ATAD5: variants seen among roughly 807,000 people sequenced by gnomAD.
ATAD5 encodes ATPase family AAA domain containing 5.
ATAD5 carries 58 observed loss-of-function variants against 176.9 expected under a neutral mutation model. That is an observed-to-expected ratio of 0.33 (90% CI 0.27 to 0.41). The LOEUF (loss-of-function observed/expected upper bound fraction) is 0.41. Ranked by LOEUF, ATAD5 falls within the 10% of genes least tolerant of loss-of-function variation. The pLI is 1.00. For synonymous variants in ATAD5, 640 were observed against 712.6 expected (o/e 0.90, Z 1.62); for missense variants, 1,789 against 2,094.1 (o/e 0.85, Z 2.84).
intron 18 of ATAD5, 145 bp downstream of exon 18, chr17:30,879,632 G>C: frequency 1.4e-6 from 1 of 694,784 alleles, no homozygotes; most frequent in South Asian, 1.9e-5. Flanking sequence ...GCGCGATCTT[G>C]GCTCACTGCA....
chr17:30,894,248 T>TCATG, intron 21 of ATAD5, 98 bp downstream of exon 21: 1 of 1,082,892 alleles, frequency 9.2e-7, no homozygotes, highest in Non-Finnish European at 1.3e-6. Flanking sequence ...GTACTATTGA[T>TCATG]CATGGTAAGC....
intron 19 of ATAD5, among the ~76,000 whole-genome samples, chr17:30,890,057 T>C (rs1252154489): frequency 2.6e-5 from 4 of 151,946 alleles, no homozygotes; most frequent in South Asian, 2.1e-4. Context: ...CAGCTAACTT[T>C]TTTAATTTTT....
chr17:30,837,335 T>A, intron 3 of ATAD5, 21 bp downstream of exon 3: 1 of 1,427,994 alleles, frequency 7.0e-7, no homozygotes, highest in Non-Finnish European at 9.6e-7. Flanking sequence ...TATTAGAGAG[T>A]CCTATAAGTG....
intron 19 of ATAD5, among the ~76,000 whole-genome samples, chr17:30,888,082 C>T (rs779285560): frequency 5.3e-5 from 8 of 151,816 alleles, no homozygotes; most frequent in Non-Finnish European, 1.2e-4. Context: ...ATCCACTTGC[C>T]TCGGCCTCCC....
intron 2 of ATAD5, among the ~76,000 whole-genome samples, chr17:30,836,573 T>A (rs117662433): frequency 0.031 from 4,731 of 152,196 alleles, 92 homozygotes; most frequent in Middle Eastern, 0.099. Flanking sequence ...AATTTAATTT[T>A]ATTTTATTTT....
At chr17:30,856,844 T>C (rs1431850522) in intron 7 of ATAD5, 111 bp from the exon 8 acceptor site, 4 of 1,004,644 alleles carry the variant, frequency 4.0e-6, no homozygotes, top group Non-Finnish European at 5.5e-6. Context: ...GTTTTTGGTA[T>C]GTTTGTGTTA....
intron 19 of ATAD5, 50 bp downstream of exon 19, chr17:30,887,422 A>G: frequency 6.7e-7 from 1 of 1,498,786 alleles, no homozygotes; most frequent in Non-Finnish European, 9.1e-7. Flanking sequence ...CCCTATTTAA[A>G]AATCTGTGCT....
intron 18 of ATAD5, among the ~76,000 whole-genome samples, chr17:30,884,313 G>A (rs73263776): frequency 2.0e-5 from 3 of 151,178 alleles, no homozygotes; most frequent in East Asian, 3.9e-4. Flanking sequence ...GAGCCATCGC[G>A]CCAGGCTGTG....
At chr17:30,842,075 T>C (rs1191301239) in intron 4 of ATAD5, among the ~76,000 whole-genome samples, 1 of 152,038 alleles carries the variant, frequency 6.6e-6, no homozygotes, top group East Asian at 1.9e-4. Flanking sequence ...TTGAGACCAG[T>C]CTGACCAACA....
intron 6 of ATAD5, among the ~76,000 whole-genome samples, chr17:30,852,139 C>T (rs1334781927): frequency 1.3e-5 from 2 of 152,028 alleles, no homozygotes; most frequent in Non-Finnish European, 2.9e-5. Flanking sequence ...GCTTTTTTGT[C>T]TCCTCAGTTT....
At chr17:30,880,054 C>T (rs1253979064) in intron 18 of ATAD5, among the ~76,000 whole-genome samples, 1 of 152,008 alleles carries the variant, frequency 6.6e-6, no homozygotes, top group African/African-American at 2.4e-5. Context: ...GTAATCCCAG[C>T]ACTTTGGGAG....
In ATAD5 at chr17:30,871,421, C is replaced by T. The variant is rs943672907; in HGVS notation, c.3607+1775C>T. On this transcript the variant is annotated intron_variant, in intron 14 of 22. Transcript: ENST00000321990. ...GGAGTGCAGTGGCACAATCTTGGCTCGCTGCAACCTCCACCTCCCAGGTTC... is the reference window on the plus strand; with the variant it reads ...GGAGTGCAGTGGCACAATCTTGGCTTGCTGCAACCTCCACCTCCCAGGTTC... Among the ~76,000 whole-genome samples the T allele has an allele frequency of 5.9e-5, 9 of 151,588 alleles. No individual in the cohort carries two copies. The South Asian group carries it at 8.4e-4, about 14-fold the overall frequency.
At chr17:30,892,418 C>CT (rs935736261) in intron 19 of ATAD5, among the ~76,000 whole-genome samples, 189 bp from the exon 20 acceptor site, 1 of 132,160 alleles carries the variant, frequency 7.6e-6, no homozygotes, top group African/African-American at 2.7e-5. Context: ...GAGTGATACT[C>CT]TGTCTTTAAA....
intron 15 of ATAD5, among the ~76,000 whole-genome samples, chr17:30,877,018 G>C (rs1281487545): frequency 6.7e-6 from 1 of 150,040 alleles, no homozygotes; most frequent in Admixed American, 6.7e-5. Flanking sequence ...CGCCCAGCTT[G>C]TTTCAGTTTT....
intron 18 of ATAD5, among the ~76,000 whole-genome samples, chr17:30,883,970 G>C (rs780511905): frequency 2.6e-5 from 4 of 152,084 alleles, no homozygotes; most frequent in Non-Finnish European, 5.9e-5. Flanking sequence ...TAAAGAACAC[G>C]TAACAGTGTA....
rs768299587 is a variant in ATAD5, at chr17:30,894,149, G to C, written c.5296G>C (p.Asp1766His). 9 of 1,541,922 alleles carry C rather than the reference G, an allele frequency of 5.8e-6. No individual in the cohort carries two copies. The highest frequency in any genetic ancestry group is 2.1e-5 in the Admixed American group (1 of 47,860). ...CTTTAGTCAGTCAGCAGCTAATTTAGAGTAAGTCTTACTTCCTTTACTTTT... is the reference window on the plus strand; with the variant it reads ...CTTTAGTCAGTCAGCAGCTAATTTACAGTAAGTCTTACTTCCTTTACTTTT... ...VYFSQSAANLDNAWKRISVIK... is the reference protein window; with the variant it reads ...VYFSQSAANLHNAWKRISVIK... Residue 1766 changes from aspartate (D) to histidine (H), a missense_variant and splice_region_variant, in exon 21 of 23, where the codon GAC becomes CAC. Coordinates refer to ENST00000321990, the MANE Select transcript of ATAD5 (RefSeq NM_024857.5).
rs151259960 is a variant in ATAD5, at chr17:30,893,616, A to T, written c.4763A>T (p.Gln1588Leu). 6.2e-7 allele frequency: 1 copy of T among 1,613,838 alleles called. No homozygotes were observed. The highest frequency in any genetic ancestry group is 8.5e-7 in the Non-Finnish European group (1 of 1,179,940). Residue 1588 changes from glutamine (Q) to leucine (L), a missense_variant, in exon 21 of 23, where the codon CAA becomes CTA. Gln to Leu is a moderately radical substitution (Grantham distance 113). Around this residue, in one of 6 missense-constraint regions of ATAD5, gnomAD observed 403 missense variants for 495.1 expected, o/e 0.81. Coordinates refer to ENST00000321990, the MANE Select transcript of ATAD5 (RefSeq NM_024857.5). ...GACACTGACTTGGACTTTCCTGATC[A>T]ATCTATTAGCCTGTCCTCTGTATCA... ...LFDTDLDFPD[Q>L]SISLSSVSSS...
intron 20 of ATAD5, 74 bp from the exon 21 acceptor site, chr17:30,893,219 CT>C: frequency 2.1e-6 from 3 of 1,448,004 alleles, no homozygotes; most frequent in Non-Finnish European, 2.8e-6. Context: ...AGGGATAACA[CT>C]ATATTCATAC....
chr17:30,894,241 C>G (rs1909797920), intron 21 of ATAD5, 91 bp downstream of exon 21: 1 of 1,132,486 alleles, frequency 8.8e-7, no homozygotes, highest in African/African-American at 1.6e-5. Flanking sequence ...AAATGCTGTA[C>G]TATTGATCAT....
Sources: allele counts gnomAD v4.1 joint callset (sites outside exome capture counted in the v4.1 genomes callset), GRCh38; gene constraint gnomAD v4.1.1; regional missense constraint gnomAD v4.1.1; transcripts MANE v1.5; gene names NCBI Gene and HGNC (gene_info 2026-07-23, HGNC 2026-07-21).